Variants in OR1B1 observed in about 807,000 individuals in gnomAD.
The protein encoded by OR1B1 is olfactory receptor family 1 subfamily B member 1, also known as olfactory receptor 1B1.
For synonymous variants in OR1B1, 168 were observed against 156.2 expected (o/e 1.08, Z -0.57); for missense variants, 414 against 402.1 (o/e 1.03, Z -0.25).
At position 122,628,849 on chromosome 9, in the gene OR1B1, G is replaced by A. The variant is rs138177065; in HGVS notation, c.687C>T (p.Ala229=). The change falls in exon 1 of 1, where the codon GCC becomes GCT. Residue 229 remains alanine (A), a synonymous_variant. Coordinates refer to ENST00000623530, the Ensembl canonical transcript of OR1B1. Reference sequence around the variant, plus strand: ...CAGCTGAAGGCAAACGTAGAATAGCGGCCCCAATTCGGACATAAGAGAGTA... The same window carrying A: ...CAGCTGAAGGCAAACGTAGAATAGCAGCCCCAATTCGGACATAAGAGAGTA... 195 of 1,614,044 alleles carry A rather than the reference G, an allele frequency of 1.2e-4. 1 individual carries two copies. The East Asian group carries it at 2.9e-3, about 24-fold the overall frequency.
the OR1B1 span, among the ~76,000 whole-genome samples, chr9:122,644,797 C>T: frequency 6.6e-6 from 1 of 152,152 alleles, no homozygotes; most frequent in Non-Finnish European, 1.5e-5. Flanking sequence ...AGGTCCCTTC[C>T]CTGGAGAGCT....
upstream of OR1B1, among the ~76,000 whole-genome samples, chr9:122,633,901 C>G (rs1830229046): frequency 1.7e-5 from 2 of 115,280 alleles, 1 homozygote; most frequent in South Asian, 6.0e-4. Context: ...TGCACTCCAG[C>G]TTGGGTGACA....
the OR1B1 span, among the ~76,000 whole-genome samples, chr9:122,649,267 A>C: frequency 6.6e-6 from 1 of 152,234 alleles, no homozygotes; most frequent in Non-Finnish European, 1.5e-5. Context: ...TGGATTAAAG[A>C]CTTAAAGGTA....
chr9:122,650,695 T>G, the OR1B1 span, among the ~76,000 whole-genome samples: 5 of 152,034 alleles, frequency 3.3e-5, no homozygotes, highest in Non-Finnish European at 5.9e-5. Context: ...ATCACCTAAT[T>G]TTAAGGTTAT....
exon 1 of OR1B1, chr9:122,629,459 TAGG>T (rs1830182470): frequency 6.2e-7 from 1 of 1,611,978 alleles, no homozygotes; most frequent in Admixed American, 1.7e-5. Flanking sequence ...GAGGAGAGTG[TAGG>T]AGATGTTAGC....
chr9:122,629,298 G>A (rs1398339315), exon 1 of OR1B1: 1 of 1,614,110 alleles, frequency 6.2e-7, no homozygotes, highest in African/African-American at 1.3e-5. Context: ...AACTGGGGCA[G>A]TGTAACTGTG....
chr9:122,639,261 A>G, the OR1B1 span, among the ~76,000 whole-genome samples: 1 of 152,142 alleles, frequency 6.6e-6, no homozygotes, highest in Admixed American at 6.6e-5. Context: ...ATATTCCAAA[A>G]AGAATATTGT....
the OR1B1 span, among the ~76,000 whole-genome samples, chr9:122,648,827 A>T: frequency 6.6e-6 from 1 of 152,248 alleles, no homozygotes; most frequent in Non-Finnish European, 1.5e-5. Context: ...TATACTGCCC[A>T]AAGTAATTTA....
At chr9:122,634,606 G>T in the OR1B1 span, among the ~76,000 whole-genome samples, 1 of 151,998 alleles carries the variant, frequency 6.6e-6, no homozygotes, top group South Asian at 2.1e-4. Flanking sequence ...GAACAGCATG[G>T]GGGAAACCAC....
the OR1B1 span, chr9:122,639,690 T>C: frequency 1.3e-5 from 2 of 151,080 alleles, no homozygotes; most frequent in Non-Finnish European, 3.0e-5. Context: ...AAATTATAAT[T>C]TGTACTTTGT....
chr9:122,637,251 A>G, the OR1B1 span: 1 of 152,196 alleles, frequency 6.6e-6, no homozygotes. Flanking sequence ...GGTCTCTTTG[A>G]AAGATAGAGC....
the OR1B1 span, among the ~76,000 whole-genome samples, chr9:122,650,330 A>G: frequency 6.6e-6 from 1 of 152,066 alleles, no homozygotes; most frequent in Non-Finnish European, 1.5e-5. Context: ...GTAAACCACC[A>G]CAGCACGTGT....
At chr9:122,635,124 A>T in the OR1B1 span, among the ~76,000 whole-genome samples, 2 of 152,220 alleles carry the variant, frequency 1.3e-5, no homozygotes, top group Non-Finnish European at 2.9e-5. Flanking sequence ...ATATGGAAAC[A>T]ACCTAAGTGT....
exon 1 of OR1B1, chr9:122,629,325 T>A (rs768722585): frequency 2.8e-5 from 45 of 1,613,894 alleles, no homozygotes; most frequent in Non-Finnish European, 4.2e-6. Context: ...CCCATGTCTA[T>A]CACAGAGAGG....
chr9:122,651,664 T>G, the OR1B1 span, among the ~76,000 whole-genome samples: 169 of 152,360 alleles, frequency 1.1e-3, no homozygotes, highest in African/African-American at 3.7e-3. Context: ...TCACTTTCAC[T>G]TTTCTGGACT....
At chr9:122,639,219 T>A in the OR1B1 span, among the ~76,000 whole-genome samples, 1 of 152,144 alleles carries the variant, frequency 6.6e-6, no homozygotes, top group Non-Finnish European at 1.5e-5. Flanking sequence ...GTTTATATAT[T>A]ATATACGTCT....
downstream of OR1B1, chr9:122,628,556 C>T (rs922701729): frequency 4.0e-6 from 6 of 1,484,238 alleles, no homozygotes; most frequent in Non-Finnish European, 5.6e-6. Flanking sequence ...CTCACCTATT[C>T]AATATGGCCC....
At chr9:122,652,873 T>C in the OR1B1 span, among the ~76,000 whole-genome samples, 1 of 152,208 alleles carries the variant, frequency 6.6e-6, no homozygotes, top group South Asian at 2.1e-4. Flanking sequence ...TCAACTTGTC[T>C]CTTACGGAAT....
At chr9:122,636,426 G>A in the OR1B1 span, among the ~76,000 whole-genome samples, 2 of 152,116 alleles carry the variant, frequency 1.3e-5, no homozygotes, top group South Asian at 2.1e-4. Flanking sequence ...ACCCACCTGG[G>A]CAACACGGTG....
Sources: gnomAD v4.1 joint callset for allele counts (sites outside exome capture counted in the v4.1 genomes callset) on GRCh38, gnomAD v4.1.1 for gene constraint, MANE v1.5 for transcripts, NCBI Gene and HGNC (gene_info 2026-07-23, HGNC 2026-07-21) for gene names.